GRIN2D: variants seen among roughly 807,000 people sequenced by gnomAD.
The protein encoded by GRIN2D is glutamate ionotropic receptor NMDA type subunit 2D.
GRIN2D carries 37 observed loss-of-function variants against 103.2 expected under a neutral mutation model. That is an observed-to-expected ratio of 0.36 (90% CI 0.28 to 0.47). GRIN2D has a LOEUF of 0.47. GRIN2D is among the 20% of genes least tolerant of loss of function. The pLI is 1.00. For synonymous variants in GRIN2D, 845 were observed against 885.6 expected, an observed-to-expected ratio of 0.95 and a Z score of 0.81; for missense variants, 1,557 against 1,910.6, an observed-to-expected ratio of 0.81 and a Z score of 3.45.
intron 2 of GRIN2D, among the ~76,000 whole-genome samples, chr19:48,395,248 C>T (rs1970624113): frequency 6.6e-6 from 1 of 151,882 alleles, no homozygotes; most frequent in African/African-American, 2.4e-5. Flanking sequence ...CTCTATCTCA[C>T]CTTCTCCCTG....
At chr19:48,417,850 C>T (rs1053233583) in intron 8 of GRIN2D, among the ~76,000 whole-genome samples, 7 of 152,030 alleles carry the variant, frequency 4.6e-5, no homozygotes, top group African/African-American at 1.7e-4. Context: ...GTCCTAATCT[C>T]AATGAAATGG....
rs1259830926 is a variant in GRIN2D, at chr19:48,405,124, G to A, written c.856G>A (p.Gly286Arg). 1.9e-6 allele frequency: 3 copies of A among 1,578,226 alleles called. No individual in the cohort carries two copies. The highest frequency in any genetic ancestry group is 8.6e-7 in the Non-Finnish European group (1 of 1,162,876). ...CCAGCTGGCTGGAGGCGGGGGCTCT[G>A]GGGCCCCTGGTGAGCCCCCTCTTCT... ...GPQLAGGGGS[G>R]APGEPPLLPG... Residue 286 changes from glycine (G) to arginine (R), a missense_variant, in exon 4 of 14, where the codon GGG becomes AGG. By Grantham distance (125) the Gly-to-Arg change is moderately radical (BLOSUM62 -2). Coordinates refer to ENST00000263269, the MANE Select transcript of GRIN2D (RefSeq NM_000836.4). The surrounding 1 kb of genome is among the most constrained non-coding windows in gnomAD (Gnocchi z 5.1).
rs1257055613 is a variant in GRIN2D, at chr19:48,444,119, C to T, written c.*182C>T. Reference sequence around the variant, plus strand: ...AACCGCAAGCCGGAGAGGATTTGGTCCCTCAACTATCACCCAGCCTGAGAA... The same window carrying T: ...AACCGCAAGCCGGAGAGGATTTGGTTCCTCAACTATCACCCAGCCTGAGAA... On this transcript the variant is annotated 3_prime_UTR_variant, in exon 14 of 14. Transcript: ENST00000263269. This position sits in a 1 kb window ranked among gnomAD's most constrained non-coding sequence, Gnocchi z 5.5. 1 of 434,428 alleles carries T rather than the reference C, an allele frequency of 2.3e-6. No homozygotes were observed. Among genetic ancestry groups the T allele is most frequent in the African/African-American group, 2.1e-5 (1 of 48,764 alleles). The allele number at this position is 434,428 out of a possible 1,614,324, so 26.9% of individuals were successfully genotyped here.
intron 3 of GRIN2D, among the ~76,000 whole-genome samples, chr19:48,401,020 T>C (rs1970704665): frequency 6.6e-6 from 1 of 151,190 alleles, no homozygotes; most frequent in Non-Finnish European, 1.5e-5. Flanking sequence ...TGAGCCGAGA[T>C]TGCAGTGAGC....
intron 7 of GRIN2D, 44 bp downstream of exon 7, chr19:48,415,076 G>C: frequency 6.6e-7 from 1 of 1,522,858 alleles, no homozygotes; most frequent in East Asian, 2.3e-5. Flanking sequence ...GGGCGGAGTC[G>C]AGAGGCGGGC....
At chr19:48,410,364 C>T (rs181229860) in intron 4 of GRIN2D, among the ~76,000 whole-genome samples, 1 of 151,158 alleles carries the variant, frequency 6.6e-6, no homozygotes, top group Admixed American at 6.6e-5. Flanking sequence ...CCCGTCTCTA[C>T]TAAAAATACA....
Position 48,403,060 on chromosome 19 carries a change from G to A in GRIN2D, c.466-1674G>A, listed in dbSNP as rs147660463. Among the ~76,000 whole-genome samples, 55 of 152,108 alleles carry A rather than the reference G, an allele frequency of 3.6e-4. No homozygotes were observed. The East Asian group carries it at 7.9e-3, about 22-fold the overall frequency. Reference sequence around the variant, plus strand: ...CTAAAAATACAAAAATTAGCTGGGTGTGGTGGCATGTGCCTGTAATCCCAG... The same window carrying A: ...CTAAAAATACAAAAATTAGCTGGGTATGGTGGCATGTGCCTGTAATCCCAG... On this transcript the variant is annotated intron_variant, in intron 3 of 13. Coordinates refer to ENST00000263269, the MANE Select transcript of GRIN2D (RefSeq NM_000836.4).
chr19:48,433,653 A>T (rs76239375), intron 11 of GRIN2D, among the ~76,000 whole-genome samples: 1 of 152,218 alleles, frequency 6.6e-6, no homozygotes, highest in Non-Finnish European at 1.5e-5. Flanking sequence ...TGCCCTTTCC[A>T]TGAGAGATGT....
rs1970913361 is a variant in GRIN2D, at chr19:48,414,182, C to G, written c.1200+77C>G. 4.0e-6 allele frequency: 4 copies of G among 991,612 alleles called. No homozygotes were observed. The highest frequency in any genetic ancestry group is 6.3e-6 in the Non-Finnish European group (4 of 631,174). 61.4% of individuals were successfully genotyped at this position (991,612 alleles called of 1,614,324 possible). A position where few individuals can be genotyped will look rare whatever the true frequency, so the allele number is the denominator to read the frequency against. On this transcript the variant is annotated intron_variant, in intron 5 of 13. Transcript: ENST00000263269. The surrounding 1 kb of genome is among the most constrained non-coding windows in gnomAD (Gnocchi z 4.6). ...TCCTGGCAGAGGGGGGGCTTGAGGT[C>G]GTGGACTAAGAGGGAGGAGGGGACA...
At chr19:48,407,620 T>C (rs1260078450) in intron 4 of GRIN2D, among the ~76,000 whole-genome samples, 1 of 152,220 alleles carries the variant, frequency 6.6e-6, no homozygotes, top group Non-Finnish European at 1.5e-5. Context: ...CATTTATTGA[T>C]TGAAACGCCC....
At chr19:48,426,227 T>TTTTTTTTC (rs1971085973) in intron 11 of GRIN2D, among the ~76,000 whole-genome samples, 1 of 145,090 alleles carries the variant, frequency 6.9e-6, no homozygotes, top group African/African-American at 2.7e-5. Context: ...TTTCTTTCTT[T>TTTTTTTTC]TTTTTTTTTT....
chr19:48,443,225 C>T lies in GRIN2D; in HGVS notation c.3299C>T (p.Pro1100Leu). Residue 1100 changes from proline (P) to leucine (L), a missense_variant, in exon 14 of 14, where the codon CCG (proline) becomes CTG (leucine). Physicochemically the swap from Pro to Leu is moderately conservative, Grantham distance 98 (BLOSUM62 -3). Coordinates refer to ENST00000263269, the MANE Select transcript of GRIN2D (RefSeq NM_000836.4). The surrounding 1 kb of genome is among the most constrained non-coding windows in gnomAD (Gnocchi z 8.9). ...GCTCCGCCCCCGTGCCGCGCCGCGC[C>T]GCCCCCGTGCCCTTACCTCGATCTC... is the stretch of plus-strand genomic sequence containing the variant. ...PAAPPPCRAA[P>L]PPCPYLDLEP... 7.4e-7 allele frequency: 1 copy of T among 1,347,072 alleles called. No individual in the cohort carries two copies. Among genetic ancestry groups the T allele is most frequent in the Non-Finnish European group, 9.6e-7 (1 of 1,038,526 alleles). The allele number at this position is 1,347,072 out of a possible 1,614,324, so 83.4% of individuals were successfully genotyped here.
Position 48,414,332 on chromosome 19 carries a change from A to G in GRIN2D, c.1201-41A>G. 1 of 1,488,698 alleles carries G rather than the reference A, an allele frequency of 6.7e-7. No individual in the cohort carries two copies. Among genetic ancestry groups the G allele is most frequent in the Non-Finnish European group, 9.2e-7 (1 of 1,090,896 alleles). 92.2% of individuals were successfully genotyped at this position (1,488,698 alleles called of 1,614,324 possible). On this transcript the variant is annotated intron_variant, in intron 5 of 13. Coordinates refer to ENST00000263269, the MANE Select transcript of GRIN2D (RefSeq NM_000836.4). This position sits in a 1 kb window ranked among gnomAD's most constrained non-coding sequence, Gnocchi z 4.6. The stretch of plus-strand genomic sequence containing the variant: ...TCATGGAGGCCAGGATACACCGGGA[A>G]GTCTTCCCAGGAAGCCTGACTCTCT...
In GRIN2D at chr19:48,414,949, G is replaced by A; in HGVS notation, c.1498G>A (p.Gly500Ser). 6.2e-7 allele frequency: 1 copy of A among 1,613,970 alleles called. No homozygotes were observed. The highest frequency in any genetic ancestry group is 2.2e-5 in the East Asian group (1 of 44,866). ...DILKRLAHTI[G>S]FSYDLYLVTN... ...TCTGAAGCGGCTGGCGCATACCATC[G>A]GCTTCAGCTACGACCTCTACCTGGT... The change falls in exon 7 of 14, where the codon GGC (glycine) becomes AGC (serine). Residue 500 changes from glycine (G) to serine (S), a missense_variant. By Grantham distance (56) the Gly-to-Ser change is moderately conservative (BLOSUM62 0). This residue lies in a region of GRIN2D where 197 missense variants were observed against 334.1 expected (regional missense o/e 0.59). Transcript: ENST00000263269. This position sits in a 1 kb window ranked among gnomAD's most constrained non-coding sequence, Gnocchi z 4.6.
chr19:48,402,307 A>G (rs1970726325), intron 3 of GRIN2D, among the ~76,000 whole-genome samples: 1 of 152,008 alleles, frequency 6.6e-6, no homozygotes, highest in African/African-American at 2.4e-5. Flanking sequence ...GAAGACTTGG[A>G]GATGGCTGAA....
chr19:48,419,574 G>GC lies in GRIN2D; in HGVS notation c.1862-6dup. ...ATTTGGGGTCCATGTCCACGTCCTG[G>GC]CCCCCTGCAGGCCCTGGCGGTTCAA... On this transcript the variant is annotated splice_polypyrimidine_tract_variant and intron_variant, in intron 9 of 13. Coordinates refer to ENST00000263269, the MANE Select transcript of GRIN2D (RefSeq NM_000836.4). 1 of 1,591,992 alleles carries GC rather than the reference G, an allele frequency of 6.3e-7. No individual in the cohort carries two copies. The highest frequency in any genetic ancestry group is 8.6e-7 in the Non-Finnish European group (1 of 1,161,260).
intron 12 of GRIN2D, 42 bp downstream of exon 12, chr19:48,441,998 G>A: frequency 6.4e-7 from 1 of 1,563,288 alleles, no homozygotes; most frequent in Non-Finnish European, 8.7e-7. Flanking sequence ...AGAGGGGGAG[G>A]GCGAGGCCCC....
intron 11 of GRIN2D, among the ~76,000 whole-genome samples, chr19:48,429,248 C>A (rs1971127093): frequency 6.6e-6 from 1 of 152,084 alleles, no homozygotes; most frequent in South Asian, 2.1e-4. Context: ...GTTTGGGAGT[C>A]AAGGTCGCAC....
At chr19:48,412,422 AAAGAAAGAAAGAAAG>A (rs905254214) in intron 4 of GRIN2D, among the ~76,000 whole-genome samples, 3 of 14,514 alleles carry the variant, frequency 2.1e-4, no homozygotes, top group Admixed American at 1.8e-3. Flanking sequence ...AAGAGAAAGA[AAAGAAAGAAAGAAAG>A]AAAGAAAGAA....
Sources: gnomAD v4.1 joint callset for allele counts (sites outside exome capture counted in the v4.1 genomes callset) on GRCh38, gnomAD v4.1.1 for gene constraint, gnomAD v4.1.1 regional missense constraint, Gnocchi (gnomAD v3.1) non-coding constraint, MANE v1.5 for transcripts, NCBI Gene and HGNC (gene_info 2026-07-23, HGNC 2026-07-21) for gene names.